DHX40: variants seen among roughly 807,000 people sequenced by gnomAD.
DHX40 encodes DEAH-box helicase 40.
DHX40 carries 28 observed loss-of-function variants against 89.6 expected under a neutral mutation model. The ratio of observed to expected loss-of-function variants is 0.31; its 90% confidence interval spans 0.23 to 0.43. The LOEUF is 0.43. Among genes scored for constraint, DHX40 ranks in the 20% least tolerant of loss-of-function variants. DHX40 has a pLI of 1.00. For missense variants in DHX40, 457 were observed against 844.0 expected (o/e 0.54, Z 5.68); for synonymous variants, 226 against 283.6 (o/e 0.80, Z 2.04).
At position 59,602,624 on chromosome 17, in the gene DHX40, A is replaced by G. The variant is rs187038507; in HGVS notation, c.1901+8A>G. On this transcript the variant is annotated splice_region_variant and intron_variant, in intron 15 of 17. Transcript: ENST00000251241. ...CAAAAATGTAGCTCGAAGGTAAGCA[A>G]TAAAGACTTGAGAGATGGATCAAGA... 1.5e-3 allele frequency: 2,395 copies of G among 1,610,646 alleles called. 2 individuals carry two copies. The highest frequency in any genetic ancestry group is 1.8e-3 in the Non-Finnish European group (2,106 of 1,177,168).
intron 15 of DHX40, chr17:59,604,771 G>A (rs1392752931): frequency 1.4e-5 from 3 of 214,418 alleles, no homozygotes; most frequent in East Asian, 9.9e-5. Context: ...ATGCGTTAGC[G>A]CTGGTGATCT....
Position 59,607,077 on chromosome 17 carries a change from G to T in DHX40, c.2245G>T (p.Asp749Tyr). 1 of 1,614,114 alleles carries T rather than the reference G, an allele frequency of 6.2e-7. No homozygotes were observed. The highest frequency in any genetic ancestry group is 8.5e-7 in the Non-Finnish European group (1 of 1,180,022). ...CTTAAAGAAAATGCAAAGAAGAAAT[G>T]ATGACAAATCCATATCTGATGCACG... ...DVLKKMQRRNDDKSISDARAR... is the reference protein window; with the variant it reads ...DVLKKMQRRNYDKSISDARAR... Residue 749 changes from aspartate (D) to tyrosine (Y), a missense_variant, in exon 18 of 18, where the codon GAT (aspartate) becomes TAT (tyrosine). By Grantham distance (160) the Asp-to-Tyr change is radical (BLOSUM62 -3). Transcript: ENST00000251241.
chr17:59,604,792 A>G (rs2030744483), intron 15 of DHX40: 1 of 242,470 alleles, frequency 4.1e-6, no homozygotes, highest in Admixed American at 4.9e-5. Context: ...TGAGAAGTCT[A>G]GCTAATTTAT....
At position 59,571,229 on chromosome 17, in the gene DHX40, G is replaced by A. The variant is rs182931165; in HGVS notation, c.426+566G>A. 1.3e-3 allele frequency among the ~76,000 whole-genome samples: 204 copies of A among 152,130 alleles called. 5 individuals carry two copies. The highest frequency in any genetic ancestry group is 0.011 in the Admixed American group (173 of 15,258). On this transcript the variant is annotated intron_variant, in intron 3 of 17. Coordinates refer to ENST00000251241, the MANE Select transcript of DHX40 (RefSeq NM_024612.5). Reference sequence around the variant, plus strand: ...TCCCATCACTTTGGGAGGCCGAGGCGGGTGGATCACCTGAGGTCAGGAGTT... The same window carrying A: ...TCCCATCACTTTGGGAGGCCGAGGCAGGTGGATCACCTGAGGTCAGGAGTT...
chr17:59,577,417 C>T (rs769100466), intron 8 of DHX40, 52 bp downstream of exon 8: 2 of 1,452,142 alleles, frequency 1.4e-6, no homozygotes, highest in Non-Finnish European at 1.9e-6. Flanking sequence ...CGTTACTAAA[C>T]ATTAGCTAAA....
At chr17:59,577,932 T>A (rs1271258388) in intron 8 of DHX40, among the ~76,000 whole-genome samples, 1 of 152,218 alleles carries the variant, frequency 6.6e-6, no homozygotes. Context: ...TCGGTAGAGT[T>A]AGTTTGTATA....
chr17:59,600,594 C>T (rs1334291564), intron 14 of DHX40, among the ~76,000 whole-genome samples: 1 of 151,984 alleles, frequency 6.6e-6, no homozygotes, highest in African/African-American at 2.4e-5. Flanking sequence ...CCCCTGTAAT[C>T]CCAATGCTTT....
rs1220554846 is a variant in DHX40 at position 59,575,508 on chromosome 17, A to G, written c.973+37A>G. Reference sequence around the variant, plus strand: ...TTAGAATAGAAAATTTGATTTTTTAAAAAAACTTTTTATTGAATAATCGTG... The same window carrying G: ...TTAGAATAGAAAATTTGATTTTTTAGAAAAACTTTTTATTGAATAATCGTG... On this transcript the variant is annotated intron_variant, in intron 7 of 17. Transcript: ENST00000251241. The G allele has an allele frequency of 1.9e-6, 3 of 1,604,344 alleles. No individual in the cohort carries two copies. The South Asian group carries it at 3.4e-5, about 18-fold the overall frequency.
intron 11 of DHX40, 80 bp downstream of exon 11, chr17:59,586,313 C>T: frequency 1.8e-6 from 2 of 1,126,924 alleles, no homozygotes; most frequent in Non-Finnish European, 2.5e-6. Flanking sequence ...CTTTCTCTAA[C>T]AGTAGAAAAT....
In DHX40 at chr17:59,566,612, T is replaced by G; in HGVS notation, c.113-15T>G. 1 of 1,566,938 alleles carries G rather than the reference T, an allele frequency of 6.4e-7. No homozygotes were observed. The highest frequency in any genetic ancestry group is 8.6e-7 in the Non-Finnish European group (1 of 1,165,698). ...TTACAAGTCTTTTAATTGACTTGTT[T>G]TTCTGTTATTACAGAAGAGAAAGGA... On this transcript the variant is annotated splice_polypyrimidine_tract_variant and intron_variant, in intron 1 of 17. Transcript: ENST00000251241.
chr17:59,574,816 G>C (rs2048858361), intron 6 of DHX40, among the ~76,000 whole-genome samples: 1 of 151,882 alleles, frequency 6.6e-6, no homozygotes, highest in Non-Finnish European at 1.5e-5. Context: ...ATGTGTCGTA[G>C]ACAAGCATGT....
At chr17:59,578,018 T>C (rs1311102919) in intron 8 of DHX40, among the ~76,000 whole-genome samples, 1 of 152,216 alleles carries the variant, frequency 6.6e-6, no homozygotes, top group Non-Finnish European at 1.5e-5. Flanking sequence ...AGGTCCCTTA[T>C]CTTTTCTGGA....
intron 14 of DHX40, among the ~76,000 whole-genome samples, chr17:59,600,116 A>G (rs953081236): frequency 3.3e-5 from 5 of 152,040 alleles, no homozygotes; most frequent in Admixed American, 3.3e-4. Context: ...GAGCCACTGC[A>G]CCTGTCCTCA....
At position 59,605,149 on chromosome 17, in the gene DHX40, C is replaced by T. The variant is rs772508336; in HGVS notation, c.1936C>T (p.Arg646Cys). ...VGRTFCTMDG[R>C]GSPVHIHPSS... ...GAGAACGTTTTGCACAATGGATGGTCGTGGAAGCCCAGTTCACATTCATCC... is the reference window on the plus strand; with the variant it reads ...GAGAACGTTTTGCACAATGGATGGTTGTGGAAGCCCAGTTCACATTCATCC... The change falls in exon 16 of 18, where the codon CGT (arginine) becomes TGT (cysteine). Residue 646 changes from arginine to cysteine, a missense_variant. This residue lies in a region of DHX40 where 32 missense variants were observed against 60.0 expected (regional missense o/e 0.53). Transcript: ENST00000251241. The T allele has an allele frequency of 6.2e-6, 10 of 1,613,846 alleles. No individual in the cohort carries two copies. Among genetic ancestry groups the T allele is most frequent in the South Asian group, 1.1e-5 (1 of 91,066 alleles).
At chr17:59,606,013 C>T (rs1189575724) in intron 17 of DHX40, among the ~76,000 whole-genome samples, 1 of 151,970 alleles carries the variant, frequency 6.6e-6, no homozygotes, top group Admixed American at 6.6e-5. Flanking sequence ...TCAGAATCCC[C>T]TTTGTTTCCA....
rs765385950 is a variant in DHX40, at chr17:59,565,657, C to G, written c.-15C>G. The stretch of plus-strand genomic sequence containing the variant: ...AGATCGGTGGACGTGCTCGCCTCCA[C>G]TCGGGGCCAGGTCTATGTCCCGGTT... On this transcript the variant is annotated 5_prime_UTR_variant, in exon 1 of 18. Coordinates refer to ENST00000251241, the MANE Select transcript of DHX40 (RefSeq NM_024612.5). 2.5e-6 allele frequency: 4 copies of G among 1,595,482 alleles called. No individual in the cohort carries two copies. The highest frequency in any genetic ancestry group is 2.7e-5 in the African/African-American group (2 of 74,788).
chr17:59,580,804 G>T (rs1469447497), intron 10 of DHX40, among the ~76,000 whole-genome samples: 1 of 150,720 alleles, frequency 6.6e-6, no homozygotes, highest in Non-Finnish European at 1.5e-5. Context: ...GAAGGGGGCT[G>T]GGCGTGGTGG....
intron 2 of DHX40, among the ~76,000 whole-genome samples, chr17:59,570,098 A>C (rs1326149368): frequency 7.8e-6 from 1 of 127,796 alleles, no homozygotes; most frequent in African/African-American, 3.0e-5. Flanking sequence ...AATATATAGT[A>C]TATATTATAA....
chr17:59,593,725 G>A (rs1469375734), intron 12 of DHX40, among the ~76,000 whole-genome samples: 4 of 142,166 alleles, frequency 2.8e-5, no homozygotes, highest in Non-Finnish European at 4.6e-5. Flanking sequence ...CAGGTGATCC[G>A]CCCACCTTGG....
Sources: gnomAD v4.1 joint callset for allele counts (sites outside exome capture counted in the v4.1 genomes callset) on GRCh38, gnomAD v4.1.1 for gene constraint, gnomAD v4.1.1 regional missense constraint, MANE v1.5 for transcripts, NCBI Gene and HGNC (gene_info 2026-07-23, HGNC 2026-07-21) for gene names.